Variants in COL19A1 observed in about 807,000 individuals in gnomAD.
COL19A1 encodes collagen type XIX alpha 1 chain.
A neutral mutation model predicts 190.2 loss-of-function variants in COL19A1; 159 were observed. That is an observed-to-expected ratio of 0.84 (90% confidence interval 0.73 to 0.95). COL19A1 has a LOEUF of 0.95. COL19A1 is among the 40% of genes least tolerant of loss of function. The pLI is 0.00. For missense variants in COL19A1, 1,418 were observed against 1,431.9 expected, an observed-to-expected ratio of 0.99 and a Z score of 0.16; for synonymous variants, 509 against 458.9, an observed-to-expected ratio of 1.11 and a Z score of -1.39.
intron 14 of COL19A1, among the ~76,000 whole-genome samples, chr6:70,064,200 C>T (rs1399636544): frequency 2.0e-5 from 3 of 152,106 alleles, no homozygotes; most frequent in African/African-American, 7.2e-5. Context: ...ACCAATATCC[C>T]AGATGAACAT....
chr6:70,073,406 C>A (rs1213534196), intron 15 of COL19A1, among the ~76,000 whole-genome samples: 1 of 152,152 alleles, frequency 6.6e-6, no homozygotes, highest in Non-Finnish European at 1.5e-5. Flanking sequence ...GCTAATAACG[C>A]CTACCCCACA....
chr6:69,921,337 T>TC (rs1771784093), intron 4 of COL19A1, among the ~76,000 whole-genome samples: 1 of 109,036 alleles, frequency 9.2e-6, no homozygotes, highest in South Asian at 2.7e-4. Flanking sequence ...ATCATATATC[T>TC]ATATATATCA....
At chr6:70,127,639 T>C (rs1022668273) in intron 17 of COL19A1, among the ~76,000 whole-genome samples, 9 of 152,218 alleles carry the variant, frequency 5.9e-5, no homozygotes, top group African/African-American at 1.9e-4. Flanking sequence ...TCCATGTAGC[T>C]GGGGAGGCCT....
intron 36 of COL19A1, among the ~76,000 whole-genome samples, 186 bp from the exon 37 acceptor site, chr6:70,165,755 G>A (rs2150265168): frequency 6.6e-6 from 1 of 152,316 alleles, no homozygotes. Flanking sequence ...ACCTTTACCT[G>A]TCCTGCGGTC....
intron 5 of COL19A1, 106 bp downstream of exon 5, chr6:69,928,138 G>A (rs780643044): frequency 1.0e-5 from 15 of 1,444,230 alleles, no homozygotes; most frequent in African/African-American, 5.7e-5. Flanking sequence ...GTATCCAAAT[G>A]TTCTATCCTT....
intron 15 of COL19A1, among the ~76,000 whole-genome samples, chr6:70,099,426 G>A (rs1457312412): frequency 6.6e-6 from 1 of 152,004 alleles, no homozygotes; most frequent in African/African-American, 2.4e-5. Flanking sequence ...ATTTAAAATA[G>A]TGCATAAAAT....
chr6:70,151,571 GA>G (rs1787059171), intron 31 of COL19A1, 133 bp downstream of exon 31: 1 of 756,768 alleles, frequency 1.3e-6, no homozygotes. Flanking sequence ...ACATCTTTAA[GA>G]TAGGAAAATA....
At chr6:70,118,835 T>A (rs981592750) in intron 16 of COL19A1, among the ~76,000 whole-genome samples, 3 of 142,050 alleles carry the variant, frequency 2.1e-5, no homozygotes, top group Non-Finnish European at 3.0e-5. Flanking sequence ...GCCTTTGTTT[T>A]TAGAGGGAGC....
rs1337398768 is a variant in COL19A1, at chr6:70,010,698, C to T, written c.1027-12929C>T. Among the ~76,000 whole-genome samples, 16 of 136,614 alleles carry T rather than the reference C, an allele frequency of 1.2e-4. 1 individual carries two copies. The highest frequency in any genetic ancestry group is 1.8e-4 in the Non-Finnish European group (12 of 65,766). The allele number at this position is 136,614 out of a possible 152,430, so 89.6% of individuals were successfully genotyped here. A position where few individuals can be genotyped will look rare whatever the true frequency, so the allele number is the denominator to read the frequency against. ...ACGAGACTATATCCCACACCTGGCT[C>T]GGAGGGTCCTACACCCACGGAATCT... On this transcript the variant is annotated intron_variant, in intron 11 of 50. Coordinates refer to ENST00000620364, the MANE Select transcript of COL19A1 (RefSeq NM_001858.6).
At chr6:70,114,937 G>A (rs1297048048) in intron 16 of COL19A1, among the ~76,000 whole-genome samples, 1 of 152,144 alleles carries the variant, frequency 6.6e-6, no homozygotes, top group Non-Finnish European at 1.5e-5. Flanking sequence ...AATGAAACAG[G>A]TCCATCAGAT....
intron 11 of COL19A1, among the ~76,000 whole-genome samples, chr6:69,989,748 C>G (rs921676625): frequency 6.6e-5 from 10 of 152,006 alleles, no homozygotes; most frequent in African/African-American, 2.2e-4. Context: ...ATTTCTAGAA[C>G]AGAATGGTCT....
chr6:70,064,226 C>T (rs1351295385), intron 14 of COL19A1, among the ~76,000 whole-genome samples: 1 of 152,144 alleles, frequency 6.6e-6, no homozygotes, highest in South Asian at 2.1e-4. Context: ...CCAAAATCCT[C>T]AATAAAGTAC....
chr6:70,024,764 G>A (rs1778638591), intron 12 of COL19A1, among the ~76,000 whole-genome samples: 1 of 152,178 alleles, frequency 6.6e-6, no homozygotes, highest in Non-Finnish European at 1.5e-5. Flanking sequence ...TTCTACACCA[G>A]AGAATAGGCA....
intron 16 of COL19A1, among the ~76,000 whole-genome samples, chr6:70,102,994 G>C (rs6920290): frequency 0.7 from 106,776 of 152,026 alleles, 37,843 homozygotes; most frequent in African/African-American, 0.78. Context: ...CCATCTTTTT[G>C]TCTCCATTAA....
chr6:69,977,907 T>C (rs1279241994), intron 11 of COL19A1, among the ~76,000 whole-genome samples: 1 of 152,190 alleles, frequency 6.6e-6, no homozygotes, highest in East Asian at 1.9e-4. Flanking sequence ...GTAAGTTTCT[T>C]GCTTTACCTG....
At chr6:70,156,521 T>A (rs1348287652) in intron 33 of COL19A1, 149 bp from the exon 34 acceptor site, 6 of 1,027,010 alleles carry the variant, frequency 5.8e-6, no homozygotes, top group South Asian at 4.8e-5. Flanking sequence ...GAGAAAGTGA[T>A]GTAAAAGTCA....
chr6:70,017,067 G>A (rs1019716628), intron 11 of COL19A1, among the ~76,000 whole-genome samples: 1 of 151,994 alleles, frequency 6.6e-6, no homozygotes, highest in African/African-American at 2.4e-5. Flanking sequence ...ATTGTTCATG[G>A]CAGCATTATT....
intron 4 of COL19A1, among the ~76,000 whole-genome samples, chr6:69,901,834 A>G (rs1224450460): frequency 2.0e-5 from 3 of 152,264 alleles, no homozygotes; most frequent in Non-Finnish European, 4.4e-5. Flanking sequence ...GGATTTTGGC[A>G]AAAGGAGTGA....
chr6:69,924,690 A>G lies in COL19A1; in HGVS notation c.267-3219A>G, dbSNP rs564246696. ...TCTTCCACAATGGTTGAACTAGTTC[A>G]CAGTCCCACCAACAGTGTAAAAGTG... On this transcript the variant is annotated intron_variant, in intron 4 of 50. Transcript: ENST00000620364. Among the ~76,000 whole-genome samples the G allele has an allele frequency of 2.0e-5, 3 of 152,324 alleles. No individual in the cohort carries two copies. In the South Asian group the frequency reaches 6.2e-4, roughly 32 times the overall value.
Sources: gnomAD v4.1 joint callset for allele counts (sites outside exome capture counted in the v4.1 genomes callset) on GRCh38, gnomAD v4.1.1 for gene constraint, MANE v1.5 for transcripts, NCBI Gene and HGNC (gene_info 2026-07-23, HGNC 2026-07-21) for gene names.